The following CNTNAP2 variants were observed in gnomAD, a reference collection of about 807,000 sequenced individuals.
The protein encoded by CNTNAP2 is contactin-associated protein-like 2.
CNTNAP2 carries 98 observed loss-of-function variants against 155.2 expected under a neutral mutation model. That is an observed-to-expected ratio of 0.63 (90% CI 0.54 to 0.75). The LOEUF (loss-of-function observed/expected upper bound fraction) is 0.75. CNTNAP2 is among the 30% of genes least tolerant of loss of function. The probability of loss-of-function intolerance (pLI) is 0.00; values close to 1 mark genes in which losing one functional copy is unlikely to be tolerated. For missense variants in CNTNAP2, 1,727 were observed against 1,688.1 expected (o/e 1.02, Z -0.40); for synonymous variants, 651 against 631.2 (o/e 1.03, Z -0.47).
intron 8 of CNTNAP2, among the ~76,000 whole-genome samples, chr7:147,260,725 T>A (rs1307873005): frequency 2.6e-5 from 4 of 152,122 alleles, no homozygotes; most frequent in Non-Finnish European, 2.9e-5. Flanking sequence ...ATGCCTTGAG[T>A]TGTGGTCTCC....
Position 146,711,790 on chromosome 7 carries a change from CA to C in CNTNAP2, c.98-62480del, listed in dbSNP as rs1232633072. Among the ~76,000 whole-genome samples, 88 of 122,252 alleles carry C rather than the reference CA, an allele frequency of 7.2e-4. 1 individual carries two copies. The highest frequency in any genetic ancestry group is 1.1e-3 in the African/African-American group (43 of 38,416). 80.2% of individuals were successfully genotyped at this position (122,252 alleles called of 152,430 possible). A position where few individuals can be genotyped will look rare whatever the true frequency, so the allele number is the denominator to read the frequency against. On this transcript the variant is annotated intron_variant, in intron 1 of 23. Coordinates refer to ENST00000361727, the MANE Select transcript of CNTNAP2 (RefSeq NM_014141.6). Reference sequence around the variant, plus strand: ...ATATAGTATACACATCTTATGTATACATATATAGTATACACATCTTATGTAT... The same window carrying C: ...ATATAGTATACACATCTTATGTATACTATATAGTATACACATCTTATGTAT...
At chr7:146,344,584 TTC>T (rs1794791916) in intron 1 of CNTNAP2, among the ~76,000 whole-genome samples, 1 of 151,386 alleles carries the variant, frequency 6.6e-6, no homozygotes, top group African/African-American at 2.4e-5. Context: ...GTTCAAGCCA[TTC>T]TCTTGCCTCA....
chr7:147,395,758 G>A lies in CNTNAP2; in HGVS notation c.1648G>A (p.Asp550Asn), dbSNP rs764239461. 6.2e-7 allele frequency: 1 copy of A among 1,612,316 alleles called. No individual in the cohort carries two copies. The highest frequency in any genetic ancestry group is 1.1e-5 in the South Asian group (1 of 91,030). Residue 550 changes from aspartate (D) to asparagine (N), a missense_variant, in exon 10 of 24, where the codon GAC becomes AAC. By Grantham distance (23) the Asp-to-Asn change is conservative. Coordinates refer to ENST00000361727, the MANE Select transcript of CNTNAP2 (RefSeq NM_014141.6). ...GGGAAGTTTCGCGAATGTCAGCATT[G>A]ACATGTGTGCGATCATAGACAGGTA... The part of the protein sequence containing the change: ...KPGSFANVSI[D>N]MCAIIDRCVP...
chr7:148,303,408 C>T (rs1243743808), intron 21 of CNTNAP2, among the ~76,000 whole-genome samples: 2 of 152,134 alleles, frequency 1.3e-5, no homozygotes, highest in Non-Finnish European at 1.5e-5. Context: ...AGCCAACACG[C>T]CATGAGAGCT....
At chr7:148,053,653 A>G (rs1356087408) in intron 15 of CNTNAP2, among the ~76,000 whole-genome samples, 3 of 152,198 alleles carry the variant, frequency 2.0e-5, no homozygotes, top group African/African-American at 7.2e-5. Flanking sequence ...GAGCTGATTA[A>G]ATAACCAATA....
chr7:146,159,914 C>T (rs1161349675), intron 1 of CNTNAP2, among the ~76,000 whole-genome samples: 1 of 152,160 alleles, frequency 6.6e-6, no homozygotes. Flanking sequence ...CAGAACTCTC[C>T]ACCCCAGATC....
At position 146,852,932 on chromosome 7, in the gene CNTNAP2, G is replaced by A. The variant is rs927969409; in HGVS notation, c.402+13028G>A. On this transcript the variant is annotated intron_variant, in intron 3 of 23. Coordinates refer to ENST00000361727, the MANE Select transcript of CNTNAP2 (RefSeq NM_014141.6). ...ATTCTATACGCACAGTGACTGTCTCGTTTGTGTATTTTTCAGCTTTGTTAC... is the reference window on the plus strand; with the variant it reads ...ATTCTATACGCACAGTGACTGTCTCATTTGTGTATTTTTCAGCTTTGTTAC... Among the ~76,000 whole-genome samples the A allele has an allele frequency of 3.3e-5, 5 of 152,240 alleles. No individual in the cohort carries two copies. In the East Asian group the frequency reaches 5.8e-4, roughly 18 times the overall value.
intron 1 of CNTNAP2, among the ~76,000 whole-genome samples, chr7:146,550,407 T>TTG (rs1563130746): frequency 9.3e-6 from 1 of 106,966 alleles, no homozygotes; most frequent in East Asian, 2.3e-4. Context: ...ATCTGTTTTT[T>TTG]TTTTTTTTTT....
At chr7:146,560,012 T>C (rs1798256253) in intron 1 of CNTNAP2, among the ~76,000 whole-genome samples, 1 of 152,218 alleles carries the variant, frequency 6.6e-6, no homozygotes, top group Non-Finnish European at 1.5e-5. Flanking sequence ...ATAATTATCT[T>C]TCACCAGTTA....
At chr7:148,188,028 C>T (rs1171071008) in intron 18 of CNTNAP2, among the ~76,000 whole-genome samples, 12 of 152,130 alleles carry the variant, frequency 7.9e-5, no homozygotes, top group Non-Finnish European at 1.5e-5. Context: ...CAAAGCCACC[C>T]ACTACCATTG....
chr7:146,341,155 A>G (rs1554419771), intron 1 of CNTNAP2, among the ~76,000 whole-genome samples: 4 of 152,250 alleles, frequency 2.6e-5, no homozygotes, highest in Non-Finnish European at 5.9e-5. Flanking sequence ...CATTTTAACT[A>G]TCTTATTTTA....
chr7:146,488,820 C>T (rs530413974), intron 1 of CNTNAP2, among the ~76,000 whole-genome samples: 3 of 152,102 alleles, frequency 2.0e-5, no homozygotes, highest in Admixed American at 6.5e-5. Context: ...GGGGTTTCTC[C>T]ACGTTGCCCA....
Position 146,411,157 on chromosome 7 carries a change from ATT to A in CNTNAP2, c.97+294200_97+294201del, listed in dbSNP as rs35201362. Among the ~76,000 whole-genome samples the A allele has an allele frequency of 4.5e-3, 627 of 139,248 alleles. 1 individual carries two copies. Among genetic ancestry groups the A allele is most frequent in the Middle Eastern group, 0.031 (8 of 262 alleles). 91.4% of individuals were successfully genotyped at this position (139,248 alleles called of 152,430 possible). A position where few individuals can be genotyped will look rare whatever the true frequency, so the allele number is the denominator to read the frequency against. The stretch of plus-strand genomic sequence containing the variant: ...TACTTGAAAACTGTGAATAGAGTAG[ATT>A]TTTTTTTTTTTTTTTGAGATGGAGT... On this transcript the variant is annotated intron_variant, in intron 1 of 23. Transcript: ENST00000361727.
intron 9 of CNTNAP2, among the ~76,000 whole-genome samples, chr7:147,314,761 A>G (rs9655701): frequency 0.26 from 39,097 of 150,942 alleles, 6,163 homozygotes; most frequent in Middle Eastern, 0.3. Flanking sequence ...TAATATTTAA[A>G]ATAAAAGAAT....
chr7:147,721,684 C>T (rs1159986029), intron 13 of CNTNAP2, among the ~76,000 whole-genome samples: 11 of 152,084 alleles, frequency 7.2e-5, no homozygotes, highest in Admixed American at 7.2e-4. Context: ...ATTAAACCTT[C>T]CTGGCTCCTT....
rs147032092 is a variant in CNTNAP2, at chr7:146,754,835, G to A, written c.98-19436G>A. On this transcript the variant is annotated intron_variant, in intron 1 of 23. Transcript: ENST00000361727. ...TGCAGTTTTCCGGAAACCACACACC[G>A]TATTCTCAAAACTATTTTCCTGTTT... 3.0e-3 allele frequency among the ~76,000 whole-genome samples: 454 copies of A among 151,984 alleles called. 5 individuals carry two copies. The highest frequency in any genetic ancestry group is 0.01 in the African/African-American group (417 of 41,522).
intron 14 of CNTNAP2, among the ~76,000 whole-genome samples, chr7:147,931,970 C>A (rs1240695564): frequency 2.0e-5 from 3 of 152,034 alleles, no homozygotes; most frequent in African/African-American, 7.2e-5. Context: ...ACTGCAACCT[C>A]CGCCTCCCGT....
At chr7:146,750,740 A>C (rs1801888781) in intron 1 of CNTNAP2, among the ~76,000 whole-genome samples, 1 of 152,146 alleles carries the variant, frequency 6.6e-6, no homozygotes, top group Admixed American at 6.5e-5. Context: ...CCAGAAATGT[A>C]TATAGTGATT....
chr7:146,888,145 C>A (rs1795706028), intron 3 of CNTNAP2, among the ~76,000 whole-genome samples: 1 of 151,988 alleles, frequency 6.6e-6, no homozygotes, highest in South Asian at 2.1e-4. Context: ...AGTTCCAAAT[C>A]TTTGAAAATT....
Sources: allele counts gnomAD v4.1 joint callset (sites outside exome capture counted in the v4.1 genomes callset), GRCh38; gene constraint gnomAD v4.1.1; transcripts MANE v1.5; gene names NCBI Gene and HGNC (gene_info 2026-07-23, HGNC 2026-07-21).